IRS1: variants seen among roughly 807,000 people sequenced by gnomAD.
IRS1 encodes the protein insulin receptor substrate 1.
Under a neutral mutation model 65.6 loss-of-function variants are expected in IRS1, and 34 were observed. The ratio of observed to expected loss-of-function variants is 0.52; its 90% CI spans 0.39 to 0.69. The LOEUF (loss-of-function observed/expected upper bound fraction) is 0.69. IRS1 is among the 30% of genes least tolerant of loss of function. IRS1 has a pLI of 0.00. For missense variants in IRS1, 1,641 were observed against 1,720.2 expected (o/e 0.95, Z 0.81); for synonymous variants, 699 against 683.5 (o/e 1.02, Z -0.35).
chr2:226,751,274 ATTTTTTTTTTTTTTT>A (rs35699614), intron 1 of IRS1, among the ~76,000 whole-genome samples: 1 of 77,550 alleles, frequency 1.3e-5, no homozygotes, highest in African/African-American at 5.2e-5. Flanking sequence ...CCACACGGGT[ATTTTTTTTTTTTTTT>A]TTTTTTTTTT....
intron 1 of IRS1, among the ~76,000 whole-genome samples, chr2:226,748,826 G>A (rs1266171327): frequency 6.6e-6 from 1 of 152,092 alleles, no homozygotes; most frequent in Non-Finnish European, 1.5e-5. Context: ...ATCATCATCC[G>A]TGAGTACACA....
At chr2:226,770,273 A>C (rs1017653869) in intron 1 of IRS1, among the ~76,000 whole-genome samples, 1 of 152,234 alleles carries the variant, frequency 6.6e-6, no homozygotes, top group Non-Finnish European at 1.5e-5. Flanking sequence ...ATCTTGCCCA[A>C]TAGAATTTTT....
intron 1 of IRS1, among the ~76,000 whole-genome samples, chr2:226,755,776 G>T (rs552312619): frequency 6.6e-6 from 1 of 152,106 alleles, no homozygotes; most frequent in South Asian, 2.1e-4. Flanking sequence ...TGACACTCAG[G>T]CTTTAAAAAC....
chr2:226,798,714 C>G lies in IRS1; in HGVS notation c.25G>C (p.Gly9Arg). The G allele has an allele frequency of 6.2e-7, 1 of 1,612,532 alleles. No homozygotes were observed. The highest frequency in any genetic ancestry group is 8.5e-7 in the Non-Finnish European group (1 of 1,179,782). ...CCCACCTTGCGCACGTCCGAGAAGC[C>G]ATCGCTCTCCGGAGGGCTCGCCATG... MASPPESD[G>R]FSDVRKVGYL... Residue 9 changes from glycine to arginine, a missense_variant, in exon 1 of 2, where the codon GGC becomes CGC. Gly to Arg is a moderately radical substitution (Grantham distance 125). Transcript: ENST00000305123. This position sits in a 1 kb window ranked among gnomAD's most constrained non-coding sequence, Gnocchi z 9.4.
chr2:226,748,094 G>A (rs575524106), intron 1 of IRS1, among the ~76,000 whole-genome samples: 4 of 150,076 alleles, frequency 2.7e-5, no homozygotes, highest in South Asian at 2.1e-4. Context: ...CATTCATCAC[G>A]CTCATTGCCC....
rs1317465887 is a variant in IRS1 at position 226,758,747 on chromosome 2, A to T, written c.*22-22497T>A. 3.4e-5 allele frequency among the ~76,000 whole-genome samples: 5 copies of T among 148,424 alleles called. No homozygotes were observed. The South Asian group carries it at 6.4e-4, about 19-fold the overall frequency. ...AAGGCATCATGTTTACAGGGAGTTT[A>T]AAAAAAAAAGGTGTCAGTGAAGGGA... On this transcript the variant is annotated intron_variant, in intron 1 of 1. Transcript: ENST00000305123.
chr2:226,737,507 T>A (rs534983626), intron 1 of IRS1, among the ~76,000 whole-genome samples: 2 of 152,266 alleles, frequency 1.3e-5, no homozygotes, highest in South Asian at 4.1e-4. Context: ...AGAGAGTAGA[T>A]CAGAAATACT....
chr2:226,779,071 T>A (rs558783328), intron 1 of IRS1, among the ~76,000 whole-genome samples: 83 of 152,324 alleles, frequency 5.4e-4, no homozygotes, highest in Non-Finnish European at 1.1e-3. Context: ...AGAAATTCAC[T>A]AACTCCTTAT....
Position 226,772,161 on chromosome 2 carries a change from CA to C in IRS1, c.*21+22827del, listed in dbSNP as rs1452586452. 5.3e-5 allele frequency among the ~76,000 whole-genome samples: 8 copies of C among 152,184 alleles called. No homozygotes were observed. In the East Asian group the frequency reaches 1.5e-3, roughly 29 times the overall value. On this transcript the variant is annotated intron_variant, in intron 1 of 1. Coordinates refer to ENST00000305123, the MANE Select transcript of IRS1 (RefSeq NM_005544.3). Reference sequence around the variant, plus strand: ...AAAAATATTTTTAATAAGGAAGGAACAAAAACCAAAAGCACCCCTATGTTCT... The same window carrying C: ...AAAAATATTTTTAATAAGGAAGGAACAAAACCAAAAGCACCCCTATGTTCT...
chr2:226,742,129 C>T (rs954047929), intron 1 of IRS1, among the ~76,000 whole-genome samples: 5 of 152,142 alleles, frequency 3.3e-5, no homozygotes, highest in African/African-American at 9.7e-5. Flanking sequence ...TCCAGAGAGC[C>T]TCTAAAGTCT....
chr2:226,795,472 ACGG>A lies in IRS1; in HGVS notation c.3264_3266del (p.Arg1089del). The A allele has an allele frequency of 6.2e-7, 1 of 1,613,514 alleles. No homozygotes were observed. The highest frequency in any genetic ancestry group is 1.3e-5 in the African/African-American group (1 of 75,036). ...TCCGCCGGCACCCTTGTGGGTCTGC[ACGG>A]ATCACTTTGGCACTCTGGTTGCGGT... On this transcript the variant is annotated inframe_deletion, in exon 1 of 2. Transcript: ENST00000305123.
At position 226,797,341 on chromosome 2, in the gene IRS1, G is replaced by C. The variant is rs751886962; in HGVS notation, c.1398C>G (p.Ile466Met). The C allele has an allele frequency of 1.7e-5, 28 of 1,613,424 alleles. No homozygotes were observed. In the South Asian group the frequency reaches 3.0e-4, roughly 17 times the overall value. ...TGGAGGGCCCCTTGCCACCCATGCA[G>C]ATATAGTTGCTTAGCTCCTCCTCAC... ...ARGEEELSNY[I>M]CMGGKGPSTL... is the part of the protein sequence containing the mutation. The change falls in exon 1 of 2, where the codon ATC (isoleucine) becomes ATG (methionine). Residue 466 changes from isoleucine (I) to methionine (M), a missense_variant. Coordinates refer to ENST00000305123, the MANE Select transcript of IRS1 (RefSeq NM_005544.3). This position sits in a 1 kb window ranked among gnomAD's most constrained non-coding sequence, Gnocchi z 8.1.
chr2:226,770,011 G>GAA lies in IRS1; in HGVS notation c.*21+24976_*21+24977dup, dbSNP rs35168801. Reference sequence around the variant, plus strand: ...TCTCCCAGAAAGGATATAGGAGGTTGAAAAAAAAAGAGCAGTAATAAAGTC... The same window carrying GAA: ...TCTCCCAGAAAGGATATAGGAGGTTGAAAAAAAAAAAGAGCAGTAATAAAGTC... On this transcript the variant is annotated intron_variant, in intron 1 of 1. Transcript: ENST00000305123. Among the ~76,000 whole-genome samples the GAA allele has an allele frequency of 3.9e-3, 588 of 150,438 alleles. 2 individuals carry two copies. The highest frequency in any genetic ancestry group is 0.014 in the African/African-American group (566 of 41,078).
Position 226,798,046 on chromosome 2 carries a change from C to A in IRS1, c.693G>T (p.Thr231=), listed in dbSNP as rs753203167. The A allele has an allele frequency of 1.2e-6, 2 of 1,614,106 alleles. No homozygotes were observed. The highest frequency in any genetic ancestry group is 3.3e-5 in the Admixed American group (2 of 60,028). Residue 231 remains threonine, a synonymous_variant, in exon 1 of 2, where the codon ACG becomes ACT. Coordinates refer to ENST00000305123, the MANE Select transcript of IRS1 (RefSeq NM_005544.3). This position sits in a 1 kb window ranked among gnomAD's most constrained non-coding sequence, Gnocchi z 9.4. ...FFIEVGRSAV[T]GPGEFWMQVD... is the part of the protein sequence containing the mutation. ...CCTGCATCCAGAACTCCCCGGGCCC[C>A]GTCACGGCAGAACGGCCCACCTCGA...
chr2:226,798,383 C>T lies in IRS1; in HGVS notation c.356G>A (p.Gly119Asp). The change falls in exon 1 of 2, where the codon GGC (glycine) becomes GAC (aspartate). Residue 119 changes from glycine (G) to aspartate (D), a missense_variant. Physicochemically the swap from Gly to Asp is moderately conservative, Grantham distance 94 (BLOSUM62 -1). This residue lies in a region of IRS1 where 240 missense variants were observed against 229.6 expected (regional missense o/e 1.05). Coordinates refer to ENST00000305123, the MANE Select transcript of IRS1 (RefSeq NM_005544.3). The surrounding 1 kb of genome is among the most constrained non-coding windows in gnomAD (Gnocchi z 9.4). ...ALLQLHNRAK[G>D]HHDGAAALGA... is the part of the protein sequence containing the mutation. ...GAGGGCCGCAGCTCCGTCGTGGTGG[C>T]CCTTAGCACGGTTGTGCAGCTGTAG... is the stretch of plus-strand genomic sequence containing the variant. The T allele has an allele frequency of 1.2e-6, 2 of 1,613,942 alleles. No individual in the cohort carries two copies. Among genetic ancestry groups the T allele is most frequent in the Non-Finnish European group, 1.7e-6 (2 of 1,179,994 alleles).
At chr2:226,790,781 G>A (rs1430396672) in intron 1 of IRS1, among the ~76,000 whole-genome samples, 2 of 152,106 alleles carry the variant, frequency 1.3e-5, no homozygotes, top group Admixed American at 1.3e-4. Context: ...TTTTAGAAAG[G>A]CCAAATCTGA....
chr2:226,737,049 G>A lies in IRS1; in HGVS notation c.*22-799C>T, dbSNP rs189317730. On this transcript the variant is annotated intron_variant, in intron 1 of 1. Coordinates refer to ENST00000305123, the MANE Select transcript of IRS1 (RefSeq NM_005544.3). ...GCTGGTGTGCTGCACCCACTAACTC[G>A]TCATCTAGCATTAGGTATATCTCCC... Among the ~76,000 whole-genome samples the A allele has an allele frequency of 4.6e-3, 691 of 151,028 alleles. 3 individuals carry two copies. The highest frequency in any genetic ancestry group is 0.016 in the African/African-American group (648 of 41,070).
intron 1 of IRS1, among the ~76,000 whole-genome samples, chr2:226,770,506 T>A (rs886848384): frequency 6.6e-6 from 1 of 152,136 alleles, no homozygotes. Context: ...CTAGCCCTAT[T>A]CCCAGCAAAT....
chr2:226,771,837 C>T (rs1173246967), intron 1 of IRS1, among the ~76,000 whole-genome samples: 1 of 152,028 alleles, frequency 6.6e-6, no homozygotes, highest in African/African-American at 2.4e-5. Context: ...ATAATTAAAT[C>T]CACAGGAACT....
Sources: gnomAD v4.1 joint callset for allele counts (sites outside exome capture counted in the v4.1 genomes callset) on GRCh38, gnomAD v4.1.1 for gene constraint, gnomAD v4.1.1 regional missense constraint, Gnocchi (gnomAD v3.1) non-coding constraint, MANE v1.5 for transcripts, NCBI Gene and HGNC (gene_info 2026-07-23, HGNC 2026-07-21) for gene names.